The following TMEM62 variants were observed in gnomAD, a reference collection of about 807,000 sequenced individuals.
TMEM62 encodes transmembrane protein 62.
In TMEM62, 41 loss-of-function variants were observed where a neutral mutation model predicts 70.4. The ratio of observed to expected loss-of-function variants is 0.58; its 90% CI spans 0.45 to 0.76. The LOEUF is 0.76. TMEM62 is among the 30% of genes least tolerant of loss of function. TMEM62 has a pLI of 0.00. For synonymous variants in TMEM62, 268 were observed against 291.0 expected, an observed-to-expected ratio of 0.92 and a Z score of 0.80; for missense variants, 688 against 788.5, an observed-to-expected ratio of 0.87 and a Z score of 1.53.
intron 9 of TMEM62, among the ~76,000 whole-genome samples, chr15:43,159,352 G>C (rs2141819431): frequency 6.6e-6 from 1 of 152,134 alleles, no homozygotes; most frequent in South Asian, 2.1e-4. Flanking sequence ...TATGCTTTTT[G>C]TACTGATTAA....
At position 43,146,604 on chromosome 15, in the gene TMEM62, A is replaced by T. The variant is rs768362470; in HGVS notation, c.588A>T (p.Arg196Ser). Residue 196 changes from arginine to serine, a missense_variant, in exon 5 of 14, where the codon AGA (arginine) becomes AGT (serine). Arg to Ser is a moderately radical substitution (Grantham distance 110, BLOSUM62 -1). Transcript: ENST00000260403. The stretch of plus-strand genomic sequence containing the variant: ...CCACTGTAAATCCAGGGCCTAAGAG[A>T]CCCTATAATTTCTTTGGAATTTTAG... ...VDATVNPGPK[R>S]PYNFFGILDK... 1.2e-6 allele frequency: 2 copies of T among 1,610,314 alleles called. No homozygotes were observed. Among genetic ancestry groups the T allele is most frequent in the Non-Finnish European group, 1.7e-6 (2 of 1,178,794 alleles).
chr15:43,169,983 A>G (rs986632421), intron 11 of TMEM62: 1 of 229,692 alleles, frequency 4.4e-6, no homozygotes, highest in Non-Finnish European at 8.5e-6. Context: ...GGATTCAGAG[A>G]TTCTTTAATT....
intron 10 of TMEM62, among the ~76,000 whole-genome samples, chr15:43,163,521 G>A (rs189876945): frequency 1.6e-4 from 24 of 152,196 alleles, no homozygotes; most frequent in African/African-American, 5.5e-4. Flanking sequence ...GGTGGCTCAA[G>A]CCTGTAATCC....
chr15:43,183,312 C>A (rs1259284982), intron 13 of TMEM62, among the ~76,000 whole-genome samples: 1 of 152,248 alleles, frequency 6.6e-6, no homozygotes, highest in Non-Finnish European at 1.5e-5. Flanking sequence ...TCCTTACTCT[C>A]AGCTTAATAC....
intron 11 of TMEM62, among the ~76,000 whole-genome samples, chr15:43,170,017 C>T (rs1217560346): frequency 6.6e-6 from 1 of 152,168 alleles, no homozygotes; most frequent in South Asian, 2.1e-4. Context: ...AGGACTGAGG[C>T]TCTGTCTAAA....
intron 7 of TMEM62, among the ~76,000 whole-genome samples, chr15:43,149,451 C>T (rs544884814): frequency 1.3e-5 from 2 of 151,708 alleles, no homozygotes; most frequent in South Asian, 2.1e-4. Flanking sequence ...AATTTTCAGG[C>T]GCTGCCTCTA....
intron 9 of TMEM62, among the ~76,000 whole-genome samples, chr15:43,157,766 A>G (rs1283377382): frequency 1.3e-5 from 2 of 152,218 alleles, no homozygotes; most frequent in African/African-American, 4.8e-5. Flanking sequence ...ATGATACCAT[A>G]TCATACCTGG....
At chr15:43,142,621 T>C (rs2036187748) in intron 4 of TMEM62, among the ~76,000 whole-genome samples, 1 of 152,100 alleles carries the variant, frequency 6.6e-6, no homozygotes, top group African/African-American at 2.4e-5. Context: ...TTTGACTCGC[T>C]GAAGGCTCAG....
At chr15:43,138,715 A>AT in intron 4 of TMEM62, 96 bp downstream of exon 4, 3 of 1,044,174 alleles carry the variant, frequency 2.9e-6, no homozygotes, top group Non-Finnish European at 4.3e-6. Context: ...TTAAAAAAAC[A>AT]TTTTAAGAGG....
intron 3 of TMEM62, 107 bp downstream of exon 3, chr15:43,135,756 A>T: frequency 7.9e-7 from 1 of 1,268,626 alleles, no homozygotes; most frequent in Non-Finnish European, 1.1e-6. Context: ...ACATTTACAT[A>T]TACTAAAGGT....
In TMEM62 at chr15:43,149,037, T is replaced by C. The variant is rs770452771; in HGVS notation, c.752T>C (p.Ile251Thr). 6.2e-7 allele frequency: 1 copy of C among 1,614,120 alleles called. No individual in the cohort carries two copies. Among genetic ancestry groups the C allele is most frequent in the Non-Finnish European group, 8.5e-7 (1 of 1,180,006 alleles). ...TATTTTTCATTGGTTAGTTCGGCTATAGCTTATTTGTGTGGACATCTCCAT... is the reference window on the plus strand; with the variant it reads ...TATTTTTCATTGGTTAGTTCGGCTACAGCTTATTTGTGTGGACATCTCCAT... ...PGIRSIMSSAIAYLCGHLHTL... is the reference protein window; with the variant it reads ...PGIRSIMSSATAYLCGHLHTL... Residue 251 changes from isoleucine to threonine, a missense_variant, in exon 7 of 14, where the codon ATA becomes ACA. Transcript: ENST00000260403.
rs2036993172 is a variant in TMEM62, at chr15:43,148,787, G to A, written c.651G>A (p.Lys217=). ...KKMEELLLLA[K]ESSRSNHTIW... ...TGGAGGAGCTCTTATTACTGGCCAA[G>A]GAAAGCAGTCGGAGCAACCATACAA... Residue 217 remains lysine, a synonymous_variant, in exon 6 of 14, where the codon AAG becomes AAA. Transcript: ENST00000260403. The A allele has an allele frequency of 1.2e-6, 2 of 1,613,944 alleles. No homozygotes were observed. The highest frequency in any genetic ancestry group is 2.2e-5 in the East Asian group (1 of 44,880).
chr15:43,184,117 G>A, intron 13 of TMEM62, 143 bp from the exon 14 acceptor site: 1 of 679,862 alleles, frequency 1.5e-6, no homozygotes. Context: ...GTCAGCTGTT[G>A]TGTTATAAGC....
At chr15:43,160,580 A>C (rs1215253339) in intron 9 of TMEM62, 101 bp from the exon 10 acceptor site, 2 of 643,924 alleles carry the variant, frequency 3.1e-6, no homozygotes, top group Non-Finnish European at 5.2e-6. Flanking sequence ...TAACAACAAC[A>C]ACAAAGTGTA....
At chr15:43,140,079 T>TTTG (rs896854909) in intron 4 of TMEM62, among the ~76,000 whole-genome samples, 16 of 152,136 alleles carry the variant, frequency 1.1e-4, no homozygotes, top group Admixed American at 9.8e-4. Flanking sequence ...CTGATTTTTT[T>TTTG]TTGTTGTTGT....
intron 11 of TMEM62, among the ~76,000 whole-genome samples, chr15:43,170,595 T>C (rs1303434906): frequency 1.3e-5 from 2 of 152,076 alleles, no homozygotes; most frequent in African/African-American, 2.4e-5. Context: ...ATAAGGATAA[T>C]ATGAAACATA....
In TMEM62 at chr15:43,178,723, A is replaced by T; in HGVS notation, c.1486+12A>T. ...GTATACAGTGCTGGGTAAGTAAATT[A>T]GTACAGATTATGGGGAATTTTGCCA... is the stretch of plus-strand genomic sequence containing the variant. On this transcript the variant is annotated intron_variant, in intron 12 of 13. Coordinates refer to ENST00000260403, the MANE Select transcript of TMEM62 (RefSeq NM_024956.4). 2 of 1,522,198 alleles carry T rather than the reference A, an allele frequency of 1.3e-6. No homozygotes were observed. Among genetic ancestry groups the T allele is most frequent in the Admixed American group, 3.6e-5 (2 of 55,030 alleles). 94.3% of individuals were successfully genotyped at this position (1,522,198 alleles called of 1,614,324 possible). A position where few individuals can be genotyped will look rare whatever the true frequency, so the allele number is the denominator to read the frequency against.
At chr15:43,134,685 T>C (rs117567989) in intron 2 of TMEM62, among the ~76,000 whole-genome samples, 2 of 152,368 alleles carry the variant, frequency 1.3e-5, no homozygotes, top group East Asian at 3.9e-4. Context: ...CAGTTCTGGT[T>C]GTGAGAATTA....
chr15:43,174,252 G>A (rs1466505164), intron 11 of TMEM62, among the ~76,000 whole-genome samples: 1 of 152,118 alleles, frequency 6.6e-6, no homozygotes, highest in Non-Finnish European at 1.5e-5. Context: ...ATAAATACTT[G>A]TTGAATCAAA....
Sources: gnomAD v4.1 joint callset for allele counts (sites outside exome capture counted in the v4.1 genomes callset) on GRCh38, gnomAD v4.1.1 for gene constraint, MANE v1.5 for transcripts, NCBI Gene and HGNC (gene_info 2026-07-23, HGNC 2026-07-21) for gene names.